Variants in AMPH observed in about 807,000 individuals in gnomAD.
AMPH encodes the protein amphiphysin.
In AMPH, 49 loss-of-function variants were observed where a neutral mutation model predicts 99.1. That is an observed-to-expected ratio of 0.49 (90% CI 0.39 to 0.63). AMPH has a LOEUF of 0.63. AMPH is among the 20% of genes least tolerant of loss of function. The pLI, the probability that AMPH is intolerant of heterozygous loss-of-function variation, is 0.00. For missense variants in AMPH, 759 were observed against 863.4 expected, an observed-to-expected ratio of 0.88 and a Z score of 1.52; for synonymous variants, 314 against 317.3, an observed-to-expected ratio of 0.99 and a Z score of 0.11.
chr7:38,421,624 A>C (rs73348897), intron 16 of AMPH, among the ~76,000 whole-genome samples: 3,443 of 152,320 alleles, frequency 0.023, 110 homozygotes, highest in African/African-American at 0.079. Flanking sequence ...AAAAGAAATC[A>C]TTCTATTTAA....
chr7:38,417,360 T>C (rs955425252), intron 17 of AMPH, among the ~76,000 whole-genome samples: 15 of 152,348 alleles, frequency 9.8e-5, no homozygotes, highest in African/African-American at 3.6e-4. Context: ...CATATAGGAA[T>C]CCTTACAGAT....
intron 14 of AMPH, chr7:38,428,837 A>T (rs559088621): frequency 2.0e-6 from 1 of 501,118 alleles, no homozygotes; most frequent in Non-Finnish European, 3.7e-6. Context: ...CTAATAGGTC[A>T]GTTTTCTCAA....
intron 4 of AMPH, among the ~76,000 whole-genome samples, chr7:38,494,027 G>A (rs1788828256): frequency 6.6e-6 from 1 of 152,146 alleles, no homozygotes; most frequent in Non-Finnish European, 1.5e-5. Flanking sequence ...TGCGATCTTG[G>A]CTCACTGCAA....
chr7:38,517,692 C>T lies in AMPH; in HGVS notation c.151-13988G>A, dbSNP rs544880383. Reference sequence around the variant, plus strand: ...ACTTTCAACTACATATAGTGGAATGCTAGAGAAAAGAAATTACTTAAATAT... The same window carrying T: ...ACTTTCAACTACATATAGTGGAATGTTAGAGAAAAGAAATTACTTAAATAT... On this transcript the variant is annotated intron_variant, in intron 2 of 20. Coordinates refer to ENST00000356264, the MANE Select transcript of AMPH (RefSeq NM_001635.4). 9.2e-5 allele frequency among the ~76,000 whole-genome samples: 14 copies of T among 152,174 alleles called. No homozygotes were observed. The East Asian group carries it at 2.7e-3, about 29-fold the overall frequency.
chr7:38,574,323 G>A (rs920372672), intron 1 of AMPH, among the ~76,000 whole-genome samples: 1 of 152,204 alleles, frequency 6.6e-6, no homozygotes, highest in Non-Finnish European at 1.5e-5. Flanking sequence ...CCTCTCCACT[G>A]GAGACTTCTG....
chr7:38,437,513 G>A (rs939477409), intron 11 of AMPH, among the ~76,000 whole-genome samples: 9 of 151,530 alleles, frequency 5.9e-5, no homozygotes, highest in Non-Finnish European at 1.3e-4. Flanking sequence ...CAGACACAGT[G>A]GCTCATGCCT....
chr7:38,403,824 A>G (rs1022123483), intron 17 of AMPH, among the ~76,000 whole-genome samples: 11 of 152,224 alleles, frequency 7.2e-5, no homozygotes, highest in Admixed American at 2.0e-4. Flanking sequence ...TGCAGAGCAG[A>G]CTTCCCCTAC....
chr7:38,389,783 T>A, intron 20 of AMPH, 21 bp downstream of exon 20: 1 of 1,580,824 alleles, frequency 6.3e-7, no homozygotes, highest in Non-Finnish European at 8.7e-7. Context: ...GCCCAAAGCA[T>A]CTTCCTATCT....
chr7:38,588,735 C>A (rs1294456912), intron 1 of AMPH, among the ~76,000 whole-genome samples: 1 of 151,950 alleles, frequency 6.6e-6, no homozygotes, highest in Non-Finnish European at 1.5e-5. Context: ...GGGGAAAAAA[C>A]AGATATTTTC....
At chr7:38,559,666 T>C (rs927155912) in intron 1 of AMPH, among the ~76,000 whole-genome samples, 2 of 152,250 alleles carry the variant, frequency 1.3e-5, no homozygotes, top group African/African-American at 4.8e-5. Flanking sequence ...AAATACCCTA[T>C]AATATAGGTA....
intron 18 of AMPH, chr7:38,392,826 G>T (rs1039526519): frequency 6.6e-6 from 1 of 152,322 alleles, no homozygotes; most frequent in Non-Finnish European, 1.5e-5. Flanking sequence ...AGATCCAGCC[G>T]GGGTTTGGAG....
intron 13 of AMPH, 146 bp from the exon 14 acceptor site, chr7:38,430,011 T>A: frequency 1.4e-6 from 1 of 738,944 alleles, no homozygotes; most frequent in Non-Finnish European, 2.1e-6. Flanking sequence ...TGTTTTGTGA[T>A]AGGAATGATT....
At chr7:38,513,445 C>A (rs1789618906) in intron 2 of AMPH, among the ~76,000 whole-genome samples, 1 of 152,110 alleles carries the variant, frequency 6.6e-6, no homozygotes, top group Non-Finnish European at 1.5e-5. Context: ...GAAATCATTT[C>A]TTCAAAGAAT....
intron 17 of AMPH, among the ~76,000 whole-genome samples, chr7:38,403,606 G>T (rs959451208): frequency 1.3e-5 from 2 of 152,224 alleles, no homozygotes; most frequent in African/African-American, 2.4e-5. Context: ...GGACTGATAG[G>T]GAGGATGCTG....
At chr7:38,618,543 TA>T (rs548787550) in intron 1 of AMPH, among the ~76,000 whole-genome samples, 22 of 152,148 alleles carry the variant, frequency 1.4e-4, no homozygotes, top group African/African-American at 5.1e-4. Flanking sequence ...GCAATTACTA[TA>T]AATCTTGTTG....
At chr7:38,542,658 C>A (rs563932189) in intron 1 of AMPH, among the ~76,000 whole-genome samples, 2 of 152,230 alleles carry the variant, frequency 1.3e-5, no homozygotes, top group East Asian at 3.9e-4. Flanking sequence ...ATCCATTAGA[C>A]CAATAAAAGA....
At chr7:38,544,463 A>G (rs1463343907) in intron 1 of AMPH, among the ~76,000 whole-genome samples, 1 of 152,212 alleles carries the variant, frequency 6.6e-6, no homozygotes, top group East Asian at 1.9e-4. Context: ...TCTGGGGTCC[A>G]TGAACAGATC....
intron 1 of AMPH, among the ~76,000 whole-genome samples, chr7:38,582,352 C>A (rs957246112): frequency 6.6e-6 from 1 of 152,088 alleles, no homozygotes; most frequent in African/African-American, 2.4e-5. Flanking sequence ...ATGTAGAAAG[C>A]CTGACTAGGG....
chr7:38,531,919 A>T (rs1317505764), intron 2 of AMPH, among the ~76,000 whole-genome samples: 1 of 149,350 alleles, frequency 6.7e-6, no homozygotes, highest in Non-Finnish European at 1.5e-5. Context: ...GTACTGATTC[A>T]CCATCACATT....
Sources: gnomAD v4.1 joint callset for allele counts (sites outside exome capture counted in the v4.1 genomes callset) on GRCh38, gnomAD v4.1.1 for gene constraint, MANE v1.5 for transcripts, NCBI Gene and HGNC (gene_info 2026-07-23, HGNC 2026-07-21) for gene names.